Variants in CNBD1 observed in about 807,000 individuals in gnomAD.
CNBD1 encodes the protein cyclic nucleotide binding domain containing 1.
Under a neutral mutation model 54.4 loss-of-function variants are expected in CNBD1, and 71 were observed. The ratio of observed to expected loss-of-function variants is 1.30; its 90% confidence interval spans 1.08 to 1.59. The LOEUF is 1.59. CNBD1 is among the 40% of genes most tolerant of loss of function. CNBD1 has a pLI of 0.00. For missense variants in CNBD1, 659 were observed against 518.0 expected, an observed-to-expected ratio of 1.27 and a Z score of -2.64; for synonymous variants, 182 against 170.7, an observed-to-expected ratio of 1.07 and a Z score of -0.51.
At chr8:86,908,180 A>C (rs897289151) in intron 3 of CNBD1, among the ~76,000 whole-genome samples, 5 of 152,216 alleles carry the variant, frequency 3.3e-5, no homozygotes, top group African/African-American at 1.2e-4. Flanking sequence ...AATAAGCAGA[A>C]GACCTGGCTG....
chr8:87,353,786 G>C lies in CNBD1; in HGVS notation c.1303G>C (p.Val435Leu). The C allele has an allele frequency of 6.3e-7, 1 of 1,592,922 alleles. No homozygotes were observed. Among genetic ancestry groups the C allele is most frequent in the Non-Finnish European group, 8.5e-7 (1 of 1,171,140 alleles). Residue 435 changes from valine to leucine, a missense_variant and splice_region_variant, in exon 10 of 11, where the codon GTG becomes CTG. Val to Leu is a conservative substitution (Grantham distance 32). Transcript: ENST00000518476. The stretch of plus-strand genomic sequence containing the variant: ...AATCATTGAAGATAAGGACCTATTT[G>C]GTAAATGCATAAATATCTTTTAACT... ...MAIIEDKDLF[V>L]A
chr8:87,089,737 C>T (rs1407486023), intron 4 of CNBD1, among the ~76,000 whole-genome samples: 3 of 152,010 alleles, frequency 2.0e-5, no homozygotes, highest in African/African-American at 7.2e-5. Context: ...TGGAATTATA[C>T]TTTACTTTTT....
chr8:86,934,997 G>A (rs1017554147), intron 3 of CNBD1, among the ~76,000 whole-genome samples: 2 of 151,366 alleles, frequency 1.3e-5, no homozygotes, highest in African/African-American at 4.9e-5. Context: ...TTTTCTGGAA[G>A]CATTTGGGTT....
At chr8:87,361,805 A>G (rs1810529781) in intron 10 of CNBD1, among the ~76,000 whole-genome samples, 1 of 151,176 alleles carries the variant, frequency 6.6e-6, no homozygotes, top group Admixed American at 6.6e-5. Context: ...ATGGGGGGGT[A>G]GAATTTGAAA....
intron 3 of CNBD1, among the ~76,000 whole-genome samples, 184 bp downstream of exon 3, chr8:86,905,378 C>T (rs1197470634): frequency 6.6e-6 from 1 of 152,068 alleles, no homozygotes. Flanking sequence ...TTTTGTTCAG[C>T]AAAAATACGT....
chr8:87,423,410 G>A (rs974372108), intron 2 of CNBD1, among the ~76,000 whole-genome samples: 1 of 151,616 alleles, frequency 6.6e-6, no homozygotes, highest in Non-Finnish European at 1.5e-5. Context: ...TTGGCTGTGG[G>A]TTTGTCACAG....
intron 2 of CNBD1, among the ~76,000 whole-genome samples, chr8:87,427,963 T>A (rs2130998910): frequency 6.6e-6 from 1 of 152,248 alleles, no homozygotes; most frequent in Middle Eastern, 3.4e-3. Context: ...TCCTTCTAAA[T>A]CCTATTGGTT....
intron 8 of CNBD1, among the ~76,000 whole-genome samples, chr8:87,299,658 A>G (rs1402326353): frequency 6.6e-6 from 1 of 152,210 alleles, no homozygotes; most frequent in African/African-American, 2.4e-5. Flanking sequence ...TGAGGGCTGA[A>G]AACTCAGTCC....
At chr8:87,024,445 A>G (rs1349984137) in intron 4 of CNBD1, among the ~76,000 whole-genome samples, 1 of 151,366 alleles carries the variant, frequency 6.6e-6, no homozygotes, top group African/African-American at 2.4e-5. Context: ...GTTGAAGCCA[A>G]TTCTCATGCC....
intron 4 of CNBD1, among the ~76,000 whole-genome samples, chr8:87,151,530 T>C (rs7819005): frequency 0.1 from 15,457 of 152,138 alleles, 2,598 homozygotes; most frequent in African/African-American, 0.35. Flanking sequence ...ATATACCACA[T>C]CTACAATGTT....
intron 8 of CNBD1, among the ~76,000 whole-genome samples, chr8:87,296,134 G>A (rs1334291181): frequency 6.6e-6 from 1 of 151,980 alleles, no homozygotes; most frequent in Non-Finnish European, 1.5e-5. Flanking sequence ...AATACAATTT[G>A]ATTTCTAAAA....
intron 6 of CNBD1, among the ~76,000 whole-genome samples, chr8:87,275,109 C>T (rs1808446637): frequency 7.3e-6 from 1 of 136,124 alleles, no homozygotes; most frequent in African/African-American, 3.0e-5. Context: ...TTTCTGAGGG[C>T]TGTGTTCTGT....
chr8:86,949,595 C>T (rs1807553315), intron 4 of CNBD1, among the ~76,000 whole-genome samples: 1 of 151,840 alleles, frequency 6.6e-6, no homozygotes, highest in Non-Finnish European at 1.5e-5. Context: ...TGAATTTGTT[C>T]ATCAGTTCTA....
At chr8:87,394,167 A>G (rs990064203) in intron 2 of CNBD1, among the ~76,000 whole-genome samples, 1 of 151,912 alleles carries the variant, frequency 6.6e-6, no homozygotes, top group South Asian at 2.1e-4. Flanking sequence ...ATGTTACACT[A>G]TGGACTATTT....
chr8:87,095,095 ACAT>A (rs1372626485), intron 4 of CNBD1, among the ~76,000 whole-genome samples: 4 of 152,246 alleles, frequency 2.6e-5, no homozygotes, highest in African/African-American at 7.2e-5. Flanking sequence ...AACCTACTAA[ACAT>A]CATATTCACA....
intron 4 of CNBD1, among the ~76,000 whole-genome samples, chr8:87,065,258 A>G (rs892297957): frequency 1.3e-5 from 2 of 151,662 alleles, no homozygotes; most frequent in Non-Finnish European, 3.0e-5. Flanking sequence ...ATTTGTTTCT[A>G]TTGTCTGTTT....
chr8:86,906,440 T>C (rs1438474649), intron 3 of CNBD1, among the ~76,000 whole-genome samples: 1 of 152,032 alleles, frequency 6.6e-6, no homozygotes, highest in East Asian at 1.9e-4. Context: ...AATATAACTT[T>C]TTCCAAGACT....
chr8:87,044,784 G>A (rs1810146938), intron 4 of CNBD1: 1 of 152,232 alleles, frequency 6.6e-6, no homozygotes, highest in Non-Finnish European at 1.5e-5. Context: ...GAAAAAGGGA[G>A]GAACATTTTG....
At position 87,182,911 on chromosome 8, in the gene CNBD1, G is replaced by T. The variant is rs989815984; in HGVS notation, c.432-23082G>T. 6.6e-6 allele frequency among the ~76,000 whole-genome samples: 1 copy of T among 151,992 alleles called. No individual in the cohort carries two copies. Among genetic ancestry groups the T allele is most frequent in the Non-Finnish European group, 1.5e-5 (1 of 67,988 alleles). On this transcript the variant is annotated intron_variant, in intron 4 of 10. Transcript: ENST00000518476. This position sits in a 1 kb window ranked among gnomAD's most constrained non-coding sequence, Gnocchi z 4.1. ...TGCAGAACCTCTTTGGTTTAATTAGGTTACACTTATGTATTTTTGTTTTGT... is the reference window on the plus strand; with the variant it reads ...TGCAGAACCTCTTTGGTTTAATTAGTTTACACTTATGTATTTTTGTTTTGT...
Sources: gnomAD v4.1 joint callset for allele counts (sites outside exome capture counted in the v4.1 genomes callset) on GRCh38, gnomAD v4.1.1 for gene constraint, Gnocchi (gnomAD v3.1) non-coding constraint, MANE v1.5 for transcripts, NCBI Gene and HGNC (gene_info 2026-07-23, HGNC 2026-07-21) for gene names.